The following CLMN variants were observed in gnomAD, a reference collection of about 807,000 sequenced individuals.
The protein encoded by CLMN is calmin (calponin-like, transmembrane).
A neutral mutation model predicts 92.7 loss-of-function variants in CLMN; 57 were observed. That is an observed-to-expected ratio of 0.61 (90% CI 0.50 to 0.77). The LOEUF (loss-of-function observed/expected upper bound fraction) is 0.77. CLMN is among the 30% of genes least tolerant of loss of function. The pLI is 0.00. For missense variants in CLMN, 1,158 were observed against 1,237.5 expected (o/e 0.94, Z 0.96); for synonymous variants, 466 against 470.6 (o/e 0.99, Z 0.13).
Position 95,191,434 on chromosome 14 carries a change from G to C in CLMN, c.*130C>G, listed in dbSNP as rs547319326. ...AAAAAAAAAAAAACCACAATAGCGA[G>C]AAAGGGGGTCTAAGTTTCCTCGGAG... On this transcript the variant is annotated 3_prime_UTR_variant, in exon 13 of 13. Coordinates refer to ENST00000298912, the MANE Select transcript of CLMN (RefSeq NM_024734.4). The surrounding 1 kb of genome is among the most constrained non-coding windows in gnomAD (Gnocchi z 5.3). The C allele has an allele frequency of 3.7e-6, 2 of 535,426 alleles. No homozygotes were observed. Among genetic ancestry groups the C allele is most frequent in the East Asian group, 6.6e-5 (2 of 30,352 alleles). 33.2% of individuals were successfully genotyped at this position (535,426 alleles called of 1,614,324 possible).
chr14:95,255,274 C>T (rs922064673), intron 1 of CLMN, among the ~76,000 whole-genome samples: 6 of 152,276 alleles, frequency 3.9e-5, no homozygotes, highest in East Asian at 3.9e-4. Context: ...TACAGTAGTT[C>T]CCCCCATCTG....
At chr14:95,261,411 C>T (rs1337883336) in intron 1 of CLMN, among the ~76,000 whole-genome samples, 13 of 152,172 alleles carry the variant, frequency 8.5e-5, no homozygotes, top group African/African-American at 2.4e-5. Context: ...GGTGAATTCC[C>T]GGATTCTGTC....
Position 95,254,505 on chromosome 14 carries a change from G to A in CLMN, c.83-24372C>T, listed in dbSNP as rs372386806. Among the ~76,000 whole-genome samples the A allele has an allele frequency of 7.7e-4, 117 of 152,112 alleles. 6 individuals carry two copies. The South Asian group carries it at 0.023, about 30-fold the overall frequency. On this transcript the variant is annotated intron_variant, in intron 1 of 12. Transcript: ENST00000298912. ...GAATATACCCTGCTCCCAACATACC[G>A]AAGCCTCGTGCACACACACTTGGAC...
intron 1 of CLMN, among the ~76,000 whole-genome samples, chr14:95,257,391 T>C (rs1899043973): frequency 6.6e-6 from 1 of 152,238 alleles, no homozygotes; most frequent in African/African-American, 2.4e-5. Context: ...TGAAGGTGTC[T>C]ATTCATTGAC....
At chr14:95,254,248 C>A (rs982228230) in intron 1 of CLMN, among the ~76,000 whole-genome samples, 6 of 152,182 alleles carry the variant, frequency 3.9e-5, no homozygotes, top group African/African-American at 1.4e-4. Flanking sequence ...AAGGCCACCC[C>A]CCAAGGTCAG....
chr14:95,290,658 C>T (rs560401550), intron 1 of CLMN, among the ~76,000 whole-genome samples: 3 of 152,290 alleles, frequency 2.0e-5, no homozygotes, highest in South Asian at 4.1e-4. Flanking sequence ...TGAATTTAGC[C>T]CAGTGAGACT....
chr14:95,254,427 C>A (rs1390355001), intron 1 of CLMN, among the ~76,000 whole-genome samples: 3 of 152,174 alleles, frequency 2.0e-5, no homozygotes, highest in African/African-American at 7.2e-5. Flanking sequence ...ACTAGATGGG[C>A]ATAGAATTCA....
Position 95,266,802 on chromosome 14 carries a change from C to T in CLMN, c.83-36669G>A, listed in dbSNP as rs185257429. Among the ~76,000 whole-genome samples the T allele has an allele frequency of 1.7e-3, 256 of 152,184 alleles. 2 individuals carry two copies. Among genetic ancestry groups the T allele is most frequent in the Middle Eastern group, 0.01 (3 of 294 alleles). ...TCTGACTTCAAAATACAGTACAAAG[C>T]CAAGTAACCAAAACAGCATGGTAAC... is the stretch of plus-strand genomic sequence containing the variant. On this transcript the variant is annotated intron_variant, in intron 1 of 12. Transcript: ENST00000298912.
At chr14:95,231,628 T>C (rs1321090512) in intron 1 of CLMN, among the ~76,000 whole-genome samples, 10 of 152,116 alleles carry the variant, frequency 6.6e-5, no homozygotes, top group Admixed American at 3.3e-4. Flanking sequence ...CCCTGCAAAG[T>C]ACAAACTATT....
At chr14:95,283,720 T>C (rs1008429109) in intron 1 of CLMN, among the ~76,000 whole-genome samples, 2 of 152,202 alleles carry the variant, frequency 1.3e-5, no homozygotes, top group African/African-American at 4.8e-5. Context: ...AAAGATGATT[T>C]AGGTATCTGG....
At chr14:95,257,710 T>C (rs1259613088) in intron 1 of CLMN, among the ~76,000 whole-genome samples, 1 of 152,244 alleles carries the variant, frequency 6.6e-6, no homozygotes, top group East Asian at 1.9e-4. Flanking sequence ...TACCATGTTC[T>C]AGTAAGACTT....
In CLMN at chr14:95,263,890, C is replaced by T. The variant is rs548554253; in HGVS notation, c.83-33757G>A. ...GGCACAGCAAATGCCCAGTGAGTGT[C>T]GGTTATGGTCATTGTCACTAGTATC... is the stretch of plus-strand genomic sequence containing the variant. On this transcript the variant is annotated intron_variant, in intron 1 of 12. Transcript: ENST00000298912. Among the ~76,000 whole-genome samples, 22 of 152,280 alleles carry T rather than the reference C, an allele frequency of 1.4e-4. No individual in the cohort carries two copies. The South Asian group carries it at 2.5e-3, about 17-fold the overall frequency.
chr14:95,305,134 C>T (rs1901222602), intron 1 of CLMN, among the ~76,000 whole-genome samples: 1 of 152,266 alleles, frequency 6.6e-6, no homozygotes, highest in Non-Finnish European at 1.5e-5. Flanking sequence ...GCCAGGCCCT[C>T]TCTAAGCCCT....
At chr14:95,197,311 G>C (rs1238162546) in intron 9 of CLMN, among the ~76,000 whole-genome samples, 2 of 149,216 alleles carry the variant, frequency 1.3e-5, no homozygotes, top group Admixed American at 6.7e-5. Context: ...GAAGAAGAAA[G>C]AAGAAAGGAC....
intron 2 of CLMN, among the ~76,000 whole-genome samples, chr14:95,228,319 C>T (rs1234722848): frequency 6.6e-6 from 1 of 152,192 alleles, no homozygotes; most frequent in Non-Finnish European, 1.5e-5. Flanking sequence ...CCCAAAATAA[C>T]ACTTCACTTT....
At chr14:95,234,566 A>G (rs1226579317) in intron 1 of CLMN, among the ~76,000 whole-genome samples, 3 of 152,232 alleles carry the variant, frequency 2.0e-5, no homozygotes, top group Non-Finnish European at 4.4e-5. Flanking sequence ...GGGCAAGGAT[A>G]GAGTCATAAA....
chr14:95,272,463 C>T (rs530365981), intron 1 of CLMN, among the ~76,000 whole-genome samples: 1 of 152,330 alleles, frequency 6.6e-6, no homozygotes, highest in South Asian at 2.1e-4. Context: ...ACAGGCTTCT[C>T]CTGCACACCT....
intron 1 of CLMN, among the ~76,000 whole-genome samples, chr14:95,280,207 A>C (rs1422605958): frequency 6.6e-6 from 1 of 152,238 alleles, no homozygotes; most frequent in Non-Finnish European, 1.5e-5. Flanking sequence ...TTTAACAAAA[A>C]AATTCTAAAG....
intron 1 of CLMN, among the ~76,000 whole-genome samples, chr14:95,253,387 C>T (rs892261622): frequency 1.3e-5 from 2 of 152,194 alleles, no homozygotes; most frequent in African/African-American, 4.8e-5. Flanking sequence ...GTGCCCAGTC[C>T]ACATAACCTC....
Sources: allele counts gnomAD v4.1 joint callset (sites outside exome capture counted in the v4.1 genomes callset), GRCh38; gene constraint gnomAD v4.1.1; non-coding constraint Gnocchi (gnomAD v3.1); transcripts MANE v1.5; gene names NCBI Gene and HGNC (gene_info 2026-07-23, HGNC 2026-07-21).